ADGRG4: variants seen among roughly 807,000 people sequenced by gnomAD.
ADGRG4 encodes the protein adhesion G protein-coupled receptor G4.
In ADGRG4, 122 loss-of-function variants were observed where a neutral mutation model predicts 126.2. The observed-to-expected ratio is 0.97, with a 90% confidence interval of 0.83 to 1.12. The LOEUF (loss-of-function observed/expected upper bound fraction) is 1.12. Among genes scored for constraint, ADGRG4 ranks in the 50% most tolerant of loss-of-function variants. The probability of loss-of-function intolerance (pLI) is 0.00; values close to 1 mark genes in which losing one functional copy is unlikely to be tolerated. For synonymous variants in ADGRG4, 943 were observed against 838.7 expected (o/e 1.12, Z -2.15); for missense variants, 2,481 against 2,251.8 (o/e 1.10, Z -2.06).
intron 1 of ADGRG4, among the ~76,000 whole-genome samples, chrX:136,302,704 AC>A (rs2074709482): frequency 8.9e-6 from 1 of 112,023 alleles, no homozygotes; most frequent in Non-Finnish European, 1.9e-5. Flanking sequence ...ATGATTGCGG[AC>A]TATATGAATA....
Position 136,380,652 on chromosome X carries a change from C to CTTCTTCTTCTTCTTCT in ADGRG4, c.7777-7087_7777-7086insTCTTCTTCTTCTTCTT. Among the ~76,000 whole-genome samples, 173 of 58,167 alleles carry CTTCTTCTTCTTCTTCT rather than the reference C, an allele frequency of 3.0e-3. 2 individuals carry two copies. The highest frequency in any genetic ancestry group is 9.3e-3 in the Middle Eastern group (1 of 107). The allele number at this position is 58,167 out of a possible 115,157, so 50.5% of individuals were successfully genotyped here. ...CTTCTTCTTCTTCTTCTTCTTCTTC[C>CTTCTTCTTCTTCTTCT]TCCTCCTCCTCCTCCTCTTCCTCCT... is the stretch of plus-strand genomic sequence containing the variant. On this transcript the variant is annotated intron_variant, in intron 15 of 25. Transcript: ENST00000394143.
intron 15 of ADGRG4, 99 bp from the exon 16 acceptor site, chrX:136,387,641 T>G: frequency 1.3e-6 from 1 of 753,790 alleles, no homozygotes; most frequent in Non-Finnish European, 2.0e-6. Flanking sequence ...TTTCAGTCCT[T>G]TGGGTGATAT....
rs774098125 is a variant in ADGRG4, at chrX:136,348,845, A to G, written c.5139A>G (p.Thr1713=). ...TQQSSQADEA[T]TLGILSGITN... ...AGTCATCACAAGCAGATGAGGCTAC[A>G]ACTTTGGGCATATTATCTGGGATTA... Residue 1713 remains threonine, a synonymous_variant, in exon 6 of 26, where the codon ACA becomes ACG. Transcript: ENST00000394143. 7 of 1,206,870 alleles carry G rather than the reference A, an allele frequency of 5.8e-6. No homozygotes were observed. In the Admixed American group the frequency reaches 1.5e-4, roughly 27 times the overall value.
intron 15 of ADGRG4, among the ~76,000 whole-genome samples, chrX:136,381,747 A>G (rs1056264411): frequency 5.4e-5 from 6 of 111,084 alleles, no homozygotes; most frequent in Non-Finnish European, 1.1e-4. Flanking sequence ...ATTAACTTAC[A>G]TGATCACAAG....
chrX:136,329,180 G>C (rs769937311), intron 5 of ADGRG4, among the ~76,000 whole-genome samples: 15 of 111,569 alleles, frequency 1.3e-4, no homozygotes, highest in Non-Finnish European at 2.6e-4. Context: ...TATATTTATA[G>C]AGGTCCTGAC....
chrX:136,370,319 T>C (rs1374688532), intron 13 of ADGRG4, among the ~76,000 whole-genome samples: 3 of 112,122 alleles, frequency 2.7e-5, no homozygotes, highest in South Asian at 3.7e-4. Context: ...GTGAGTGCTT[T>C]AAGCTAGCAA....
intron 15 of ADGRG4, 81 bp downstream of exon 15, chrX:136,373,145 A>G (rs1343215481): frequency 2.6e-5 from 23 of 897,364 alleles, no homozygotes; most frequent in African/African-American, 6.1e-5. Context: ...TGGGAGAGAG[A>G]GGGCACTCCG....
intron 13 of ADGRG4, among the ~76,000 whole-genome samples, chrX:136,365,543 T>A (rs1344351451): frequency 8.9e-6 from 1 of 112,376 alleles, no homozygotes; most frequent in Admixed American, 9.5e-5. Context: ...TATGTACAGA[T>A]TTTATGTAGA....
chrX:136,380,542 T>C (rs1264152879), intron 15 of ADGRG4, among the ~76,000 whole-genome samples: 2 of 106,526 alleles, frequency 1.9e-5, no homozygotes, highest in African/African-American at 6.8e-5. Context: ...CTCCTCCTCC[T>C]CCTCTTCTTC....
chrX:136,376,627 G>GGTATTGTATTTTATTGTATTGTATT (rs1556015977), intron 15 of ADGRG4, among the ~76,000 whole-genome samples: 97 of 86,183 alleles, frequency 1.1e-3, no homozygotes, highest in African/African-American at 4.3e-3. Context: ...TATATTCCTG[G>GGTATTGTATTTTATTGTATTGTATT]GTATTGTATT....
chrX:136,362,427 C>T (rs1334768955), intron 12 of ADGRG4, among the ~76,000 whole-genome samples: 1 of 111,351 alleles, frequency 9.0e-6, no homozygotes, highest in Non-Finnish European at 1.9e-5. Context: ...AACAGTATCC[C>T]TTACCCGCCT....
At chrX:136,331,156 T>C (rs2074907342) in intron 5 of ADGRG4, among the ~76,000 whole-genome samples, 1 of 112,121 alleles carries the variant, frequency 8.9e-6, no homozygotes, top group Admixed American at 9.4e-5. Context: ...GTTCCATCCA[T>C]GTTGTTGCAA....
At chrX:136,352,976 A>G (rs762524815) in intron 7 of ADGRG4, among the ~76,000 whole-genome samples, 5 of 111,633 alleles carry the variant, frequency 4.5e-5, no homozygotes, top group Non-Finnish European at 7.5e-5. Flanking sequence ...CTGTGTCCTC[A>G]CATGGACTTT....
At chrX:136,357,682 A>C in intron 9 of ADGRG4, 22 bp from the exon 10 acceptor site, 1 of 1,125,113 alleles carries the variant, frequency 8.9e-7, no homozygotes, top group Non-Finnish European at 1.2e-6. Flanking sequence ...TTCAGTGACT[A>C]TGTACTTTTC....
Position 136,361,525 on chromosome X carries a change from C to T in ADGRG4, c.7215C>T (p.Asn2405=). ...YKGTYKWLLT[N]PTETAQTRCI... ...GGACCTATAAGTGGCTATTAACCAACCCTACGGAGACAGCCCAAACCAGAT... is the reference window on the plus strand; with the variant it reads ...GGACCTATAAGTGGCTATTAACCAATCCTACGGAGACAGCCCAAACCAGAT... The change falls in exon 12 of 26, where the codon AAC becomes AAT. Residue 2405 remains asparagine, a synonymous_variant. Transcript: ENST00000394143. 1.7e-6 allele frequency: 2 copies of T among 1,190,717 alleles called. No individual in the cohort carries two copies. Among genetic ancestry groups the T allele is most frequent in the Non-Finnish European group, 2.3e-6 (2 of 882,198 alleles).
rs906646703 is a variant in ADGRG4 at position 136,328,052 on chromosome X, AT to A, written c.685+4668del. Reference sequence around the variant, plus strand: ...AAAACTTGAATTTACATGTAAATATATTTTTTTTCTTTTTCACAGTTGGGTT... The same window carrying A: ...AAAACTTGAATTTACATGTAAATATATTTTTTTCTTTTTCACAGTTGGGTT... On this transcript the variant is annotated intron_variant, in intron 5 of 25. Coordinates refer to ENST00000394143, the MANE Select transcript of ADGRG4 (RefSeq NM_153834.4). Among the ~76,000 whole-genome samples, 5 of 110,946 alleles carry A rather than the reference AT, an allele frequency of 4.5e-5. No individual in the cohort carries two copies. In the East Asian group the frequency reaches 1.1e-3, roughly 25 times the overall value.
In ADGRG4 at chrX:136,348,980, T is replaced by C. The variant is rs781223502; in HGVS notation, c.5274T>C (p.Ser1758=). 6.6e-6 allele frequency: 8 copies of C among 1,206,305 alleles called. No individual in the cohort carries two copies. The highest frequency in any genetic ancestry group is 2.3e-4 in the Middle Eastern group (1 of 4,362). ...ENMLSPTHAD[S]LHTSFNIQVS... is the part of the protein sequence containing the mutation. The stretch of plus-strand genomic sequence containing the variant: ...TGCTTTCACCTACTCATGCAGATAG[T>C]CTCCATACTTCCTTCAATATTCAGG... Residue 1758 remains serine, a synonymous_variant, in exon 6 of 26, where the codon AGT becomes AGC. Transcript: ENST00000394143.
chrX:136,370,114 G>A (rs1191464715), intron 13 of ADGRG4, among the ~76,000 whole-genome samples: 2 of 111,282 alleles, frequency 1.8e-5, no homozygotes, highest in Non-Finnish European at 3.8e-5. Flanking sequence ...TTGAAAGAGA[G>A]GTAGTAAGAG....
At chrX:136,326,642 G>A (rs1205474995) in intron 5 of ADGRG4, among the ~76,000 whole-genome samples, 1 of 111,110 alleles carries the variant, frequency 9.0e-6, no homozygotes, top group Non-Finnish European at 1.9e-5. Context: ...GTCATTGCCT[G>A]CCTCACCACT....
Sources: allele counts gnomAD v4.1 joint callset (sites outside exome capture counted in the v4.1 genomes callset), GRCh38; gene constraint gnomAD v4.1.1; transcripts MANE v1.5; gene names NCBI Gene and HGNC (gene_info 2026-07-23, HGNC 2026-07-21).